PFKP: variants seen among roughly 807,000 people sequenced by gnomAD.
PFKP encodes the protein phosphofructokinase, platelet.
In PFKP, 101 loss-of-function variants were observed where a neutral mutation model predicts 94.3. The ratio of observed to expected loss-of-function variants is 1.07; its 90% CI spans 0.91 to 1.26. The LOEUF (loss-of-function observed/expected upper bound fraction) is 1.26. PFKP is among the 50% of genes most tolerant of loss of function. PFKP has a pLI of 0.00. For synonymous variants in PFKP, 573 were observed against 432.6 expected, an observed-to-expected ratio of 1.32 and a Z score of -4.03; for missense variants, 1,145 against 1,103.3, an observed-to-expected ratio of 1.04 and a Z score of -0.53.
At chr10:3,111,020 A>G (rs1836173062) in intron 10 of PFKP, among the ~76,000 whole-genome samples, 2 of 150,794 alleles carry the variant, frequency 1.3e-5, no homozygotes, top group African/African-American at 4.9e-5. Flanking sequence ...ATGTTTCTGC[A>G]TGTTAGTGTG....
chr10:3,102,164 TGG>T (rs1835069310), intron 4 of PFKP, among the ~76,000 whole-genome samples: 1 of 132,462 alleles, frequency 7.5e-6, no homozygotes, highest in Non-Finnish European at 1.6e-5. Flanking sequence ...GGCAGGAGAA[TGG>T]CGTGAACCCG....
intron 2 of PFKP, among the ~76,000 whole-genome samples, chr10:3,091,906 G>A (rs1277697209): frequency 1.3e-5 from 2 of 152,234 alleles, no homozygotes; most frequent in African/African-American, 2.4e-5. Context: ...ACACCCTAAA[G>A]AAAGGCTAGG....
chr10:3,074,930 A>G (rs1832466753), intron 1 of PFKP, among the ~76,000 whole-genome samples: 1 of 152,218 alleles, frequency 6.6e-6, no homozygotes, highest in Non-Finnish European at 1.5e-5. Context: ...CACAGCCTTC[A>G]GAGCCGAGAG....
rs1329774499 is a variant in PFKP at position 3,113,137 on chromosome 10, G to A, written c.1173G>A (p.Leu391=). ...CCTTTAGGAGCTTTGCGGGCAACCT[G>A]AACACCTACAAGCGACTTGCCATCA... The part of the protein sequence containing the change: ...RLRGRSFAGN[L]NTYKRLAIKL... The change falls in exon 12 of 22, where the codon CTG becomes CTA. Residue 391 remains leucine, a synonymous_variant. Transcript: ENST00000381125. 1 of 1,613,230 alleles carries A rather than the reference G, an allele frequency of 6.2e-7. No homozygotes were observed. The highest frequency in any genetic ancestry group is 1.1e-5 in the South Asian group (1 of 90,888).
chr10:3,121,943 T>TC (rs1390986514), intron 16 of PFKP, among the ~76,000 whole-genome samples: 1 of 150,426 alleles, frequency 6.6e-6, no homozygotes, highest in Non-Finnish European at 1.5e-5. Context: ...CACCTCAGCC[T>TC]CCTGAGTAGC....
chr10:3,075,251 A>G (rs1832488472), intron 1 of PFKP, among the ~76,000 whole-genome samples: 1 of 152,124 alleles, frequency 6.6e-6, no homozygotes, highest in Non-Finnish European at 1.5e-5. Context: ...AACGTGTCAC[A>G]GTGCTGCAGA....
intron 18 of PFKP, among the ~76,000 whole-genome samples, chr10:3,132,848 C>T (rs1186165820): frequency 6.6e-6 from 1 of 152,150 alleles, no homozygotes; most frequent in South Asian, 2.1e-4. Context: ...CTGAGTGACT[C>T]GGGCAGGAGG....
Position 3,074,585 on chromosome 10 carries a change from T to C in PFKP, c.112+6878T>C, listed in dbSNP as rs190788420. On this transcript the variant is annotated intron_variant, in intron 1 of 21. Coordinates refer to ENST00000381125, the MANE Select transcript of PFKP (RefSeq NM_002627.5). The stretch of plus-strand genomic sequence containing the variant: ...GGGCACGTGGCAGGGCAGCCCTGTG[T>C]CCACAGACACATCCCGCCAAGGGGA... 7.4e-3 allele frequency among the ~76,000 whole-genome samples: 1,129 copies of C among 152,276 alleles called. 13 individuals carry two copies. Among genetic ancestry groups the C allele is most frequent in the African/African-American group, 0.026 (1,097 of 41,556 alleles).
intron 2 of PFKP, among the ~76,000 whole-genome samples, chr10:3,093,857 A>C (rs189075739): frequency 1.3e-5 from 2 of 152,008 alleles, no homozygotes; most frequent in South Asian, 2.1e-4. Flanking sequence ...GTTAGCCAGG[A>C]TGGTCTCCAT....
At chr10:3,087,446 G>T (rs951536641) in intron 2 of PFKP, among the ~76,000 whole-genome samples, 26 of 152,142 alleles carry the variant, frequency 1.7e-4, no homozygotes, top group Non-Finnish European at 2.6e-4. Flanking sequence ...GGAAGGAGGG[G>T]TTCTGACTCT....
intron 14 of PFKP, among the ~76,000 whole-genome samples, chr10:3,118,209 C>T (rs925543106): frequency 2.6e-5 from 4 of 152,198 alleles, no homozygotes; most frequent in Admixed American, 2.6e-4. Flanking sequence ...CGGCTCACAC[C>T]TGTAACCCCA....
intron 1 of PFKP, among the ~76,000 whole-genome samples, chr10:3,068,476 C>G (rs1190359302): frequency 6.6e-6 from 1 of 152,198 alleles, no homozygotes. Flanking sequence ...CCCCGCCAGC[C>G]TCCGCAGACG....
intron 19 of PFKP, 64 bp from the exon 20 acceptor site, chr10:3,134,419 T>TACAG: frequency 1.0e-6 from 1 of 1,004,208 alleles, no homozygotes; most frequent in Non-Finnish European, 1.6e-6. Flanking sequence ...GAAATTGTCA[T>TACAG]TTCTATTTAA....
In PFKP at chr10:3,136,538, G is replaced by A; in HGVS notation, c.2314G>A (p.Asp772Asn). The change falls in exon 22 of 22, where the codon GAC becomes AAC. Residue 772 changes from aspartate (D) to asparagine (N), a missense_variant. Transcript: ENST00000381125. The part of the protein sequence containing the change: ...AKYKASYDVS[D>N]SGQLEHVQPW... ...GTACAAGGCCAGCTATGACGTGTCG[G>A]ACTCAGGCCAGCTGGAACATGTGCA... The A allele has an allele frequency of 2.5e-6, 4 of 1,613,658 alleles. No homozygotes were observed. Among genetic ancestry groups the A allele is most frequent in the South Asian group, 1.1e-5 (1 of 90,970 alleles).
In PFKP at chr10:3,077,580, TA is replaced by T. The variant is rs200927960; in HGVS notation, c.113-4798del. On this transcript the variant is annotated intron_variant, in intron 1 of 21. Transcript: ENST00000381125. The stretch of plus-strand genomic sequence containing the variant: ...CGTGCCTGGCCTATTCCTTACTTTT[TA>T]AAAAAAAAATGCAATTTAGATTTTA... Among the ~76,000 whole-genome samples, 9 of 150,438 alleles carry T rather than the reference TA, an allele frequency of 6.0e-5. No individual in the cohort carries two copies. In the South Asian group the frequency reaches 1.0e-3, roughly 18 times the overall value.
chr10:3,102,004 C>A (rs1463079855), intron 4 of PFKP, among the ~76,000 whole-genome samples: 1 of 152,168 alleles, frequency 6.6e-6, no homozygotes, highest in African/African-American at 2.4e-5. Context: ...GTAATCCCAG[C>A]ACTTTGGGAG....
intron 1 of PFKP, among the ~76,000 whole-genome samples, chr10:3,077,261 C>CTTTTTTTTT (rs34485324): frequency 5.0e-4 from 42 of 84,254 alleles, no homozygotes; most frequent in Non-Finnish European, 5.9e-4. Flanking sequence ...TTTTTTTTTT[C>CTTTTTTTTT]TTTTTTTTTT....
At chr10:3,135,689 G>A (rs1365843326) in intron 20 of PFKP, 47 bp from the exon 21 acceptor site, 2 of 1,155,898 alleles carry the variant, frequency 1.7e-6, no homozygotes, top group East Asian at 2.4e-5. Flanking sequence ...TCCCCCACCT[G>A]CCCATGTTGA....
At chr10:3,106,411 G>A (rs1034704288) in intron 7 of PFKP, among the ~76,000 whole-genome samples, 1 of 141,288 alleles carries the variant, frequency 7.1e-6, no homozygotes, top group African/African-American at 2.6e-5. Context: ...AAAGCATGGC[G>A]TGCACGGGGC....
Sources: allele counts gnomAD v4.1 joint callset (sites outside exome capture counted in the v4.1 genomes callset), GRCh38; gene constraint gnomAD v4.1.1; transcripts MANE v1.5; gene names NCBI Gene and HGNC (gene_info 2026-07-23, HGNC 2026-07-21).